PLEKHG1: variants seen among roughly 807,000 people sequenced by gnomAD.
PLEKHG1 encodes pleckstrin homology and RhoGEF domain containing G1.
A neutral mutation model predicts 100.8 loss-of-function variants in PLEKHG1; 44 were observed. That is an observed-to-expected ratio of 0.44 (90% CI 0.34 to 0.56). PLEKHG1 has a LOEUF of 0.56. Ranked by LOEUF, PLEKHG1 falls within the 20% of genes least tolerant of loss-of-function variation. The pLI is 0.01. For missense variants in PLEKHG1, 1,545 were observed against 1,720.9 expected (o/e 0.90, Z 1.81); for synonymous variants, 640 against 662.5 (o/e 0.97, Z 0.52).
At chr6:150,652,005 T>G (rs900161330) in intron 3 of PLEKHG1, 1 of 152,238 alleles carries the variant, frequency 6.6e-6, no homozygotes, top group African/African-American at 2.4e-5. Flanking sequence ...CATGACCCAT[T>G]TCAGAGTCAT....
rs1382196182 is a variant in PLEKHG1 at position 150,637,298 on chromosome 6, T to TC, written c.-203-782_-203-781insC. On this transcript the variant is annotated intron_variant, in intron 1 of 3. Transcript: ENST00000367326. ...ATGAAATTTTGCCACTTGAAGGAGA[T>TC]TTTCCCAGTAGCTTCACTTCTTTAT... 5.1e-5 allele frequency among the ~76,000 whole-genome samples: 7 copies of TC among 137,582 alleles called. No individual in the cohort carries two copies. The Admixed American group carries it at 5.7e-4, about 11-fold the overall frequency. The allele number at this position is 137,582 out of a possible 152,430, so 90.3% of individuals were successfully genotyped here. A position where few individuals can be genotyped will look rare whatever the true frequency, so the allele number is the denominator to read the frequency against.
exon 15 of PLEKHG1, chr6:150,830,718 A>G: frequency 6.2e-7 from 1 of 1,614,198 alleles, no homozygotes; most frequent in Non-Finnish European, 8.5e-7. Flanking sequence ...TGGACCGATC[A>G]CCAGATCAGG....
chr6:150,822,199 AAC>A (rs1377342019), intron 13 of PLEKHG1, among the ~76,000 whole-genome samples: 1 of 151,880 alleles, frequency 6.6e-6, no homozygotes, highest in Non-Finnish European at 1.5e-5. Context: ...GTTTCACAAA[AAC>A]ACACAAACTG....
chr6:150,809,616 GT>G, intron 9 of PLEKHG1, 31 bp from the exon 11 acceptor site: 1 of 1,594,628 alleles, frequency 6.3e-7, no homozygotes, highest in Non-Finnish European at 8.6e-7. Context: ...GTGGAATCAA[GT>G]TGTCTGACTG....
intron 2 of PLEKHG1, among the ~76,000 whole-genome samples, chr6:150,766,787 T>C (rs892415045): frequency 6.6e-6 from 1 of 152,180 alleles, no homozygotes; most frequent in Non-Finnish European, 1.5e-5. Context: ...ACATGAAGAA[T>C]TTAGTATCAG....
chr6:150,828,863 G>A (rs1776759014), intron 14 of PLEKHG1, among the ~76,000 whole-genome samples: 3 of 152,146 alleles, frequency 2.0e-5, no homozygotes, highest in Admixed American at 1.3e-4. Flanking sequence ...TGCAGTCTGA[G>A]TAAGGTGAAG....
intron 3 of PLEKHG1, among the ~76,000 whole-genome samples, chr6:150,785,033 T>TA (rs35123545): frequency 0.016 from 2,201 of 136,224 alleles, 43 homozygotes; most frequent in African/African-American, 0.051. Context: ...TCTCTAAAAT[T>TA]AAAAAAAAAA....
intron 2 of PLEKHG1, among the ~76,000 whole-genome samples, chr6:150,735,317 A>G (rs1427046576): frequency 1.3e-5 from 2 of 152,176 alleles, no homozygotes; most frequent in African/African-American, 4.8e-5. Flanking sequence ...ATAAAGCTAC[A>G]CTTGCTTTGC....
chr6:150,697,450 G>A (rs1046755061), intron 3 of PLEKHG1, among the ~76,000 whole-genome samples: 1 of 152,240 alleles, frequency 6.6e-6, no homozygotes, highest in African/African-American at 2.4e-5. Flanking sequence ...CGAACCCTGA[G>A]TGGGGGAGAT....
chr6:150,758,793 G>T lies in PLEKHG1; in HGVS notation c.412-9845G>T, dbSNP rs57862704. Among the ~76,000 whole-genome samples the T allele has an allele frequency of 3.4e-3, 523 of 152,230 alleles. 4 individuals are homozygous for T. Among genetic ancestry groups the T allele is most frequent in the African/African-American group, 0.012 (499 of 41,524 alleles). On this transcript the variant is annotated intron_variant, in intron 2 of 15. Coordinates refer to ENST00000358517, the Ensembl canonical transcript of PLEKHG1. ...TTCTACACAGCTCCTGAACCTCTTT[G>T]TATGTTTCCATTTCAATACGTGAGC... is the stretch of plus-strand genomic sequence containing the variant.
chr6:150,762,832 C>A (rs1784233901), intron 2 of PLEKHG1, among the ~76,000 whole-genome samples: 1 of 152,104 alleles, frequency 6.6e-6, no homozygotes, highest in Non-Finnish European at 1.5e-5. Context: ...TACAGCAGGA[C>A]ATTTTATTAT....
At chr6:150,752,190 A>G (rs139828231) in intron 2 of PLEKHG1, among the ~76,000 whole-genome samples, 1 of 152,162 alleles carries the variant, frequency 6.6e-6, no homozygotes, top group African/African-American at 2.4e-5. Flanking sequence ...TGTCTCAAAA[A>G]AAAATAAAAT....
At chr6:150,730,574 A>G (rs1782194941) in intron 1 of PLEKHG1, among the ~76,000 whole-genome samples, 1 of 152,104 alleles carries the variant, frequency 6.6e-6, no homozygotes, top group Non-Finnish European at 1.5e-5. Flanking sequence ...GGTTCCTGAC[A>G]GGCCGTGGAC....
chr6:150,744,918 C>T (rs1783072279), intron 2 of PLEKHG1, among the ~76,000 whole-genome samples: 1 of 152,294 alleles, frequency 6.6e-6, no homozygotes, highest in East Asian at 1.9e-4. Context: ...ATATTATACA[C>T]AGGGATTGTT....
chr6:150,740,864 C>G (rs548489382), intron 2 of PLEKHG1, among the ~76,000 whole-genome samples: 1 of 152,282 alleles, frequency 6.6e-6, no homozygotes, highest in South Asian at 2.1e-4. Context: ...TTCGGAGTCA[C>G]TCCTTAAATA....
At chr6:150,779,733 G>A (rs1459634389) in intron 3 of PLEKHG1, among the ~76,000 whole-genome samples, 9 of 151,754 alleles carry the variant, frequency 5.9e-5, no homozygotes, top group Non-Finnish European at 1.2e-4. Flanking sequence ...TTGGGAGGCC[G>A]AGGCTGGCAG....
intron 1 of PLEKHG1, among the ~76,000 whole-genome samples, chr6:150,620,028 G>A (rs1275950719): frequency 2.0e-5 from 3 of 152,124 alleles, no homozygotes; most frequent in Admixed American, 1.3e-4. Flanking sequence ...TTATGATGCT[G>A]CATTTTCTGT....
chr6:150,752,851 C>T (rs1783599260), intron 2 of PLEKHG1, among the ~76,000 whole-genome samples: 1 of 152,108 alleles, frequency 6.6e-6, no homozygotes. Flanking sequence ...GTGGCTCGTG[C>T]CTGTAATCCC....
intron 1 of PLEKHG1, among the ~76,000 whole-genome samples, chr6:150,725,909 C>T (rs1034927766): frequency 3.1e-4 from 47 of 151,830 alleles, no homozygotes; most frequent in African/African-American, 1.1e-3. Flanking sequence ...GGCACATACA[C>T]ATAATGGGAA....
Sources: gnomAD v4.1 joint callset for allele counts (sites outside exome capture counted in the v4.1 genomes callset) on GRCh38, gnomAD v4.1.1 for gene constraint, MANE v1.5 for transcripts, NCBI Gene and HGNC (gene_info 2026-07-23, HGNC 2026-07-21) for gene names.